The following PTCH1 variants were observed in gnomAD, a reference collection of about 807,000 sequenced individuals.
The protein encoded by PTCH1 is protein patched homolog 1.
A neutral mutation model predicts 144.6 loss-of-function variants in PTCH1; 14 were observed. The ratio of observed to expected loss-of-function variants is 0.10; its 90% CI spans 0.06 to 0.15. The LOEUF is 0.15. Among genes scored for constraint, PTCH1 ranks in the 10% least tolerant of loss-of-function variants. The probability of loss-of-function intolerance (pLI) is 1.00; values close to 1 mark genes in which losing one functional copy is unlikely to be tolerated. For synonymous variants in PTCH1, 833 were observed against 793.6 expected (o/e 1.05, Z -0.83); for missense variants, 1,623 against 1,948.3 (o/e 0.83, Z 3.14).
At chr9:95,451,637 A>G (rs1209442544) in intron 20 of PTCH1, 1 of 152,214 alleles carries the variant, frequency 6.6e-6, no homozygotes, top group African/African-American at 2.4e-5. Context: ...TCTCTCCCCT[A>G]AAAGACCTTA....
At chr9:95,515,351 TCCCCAGGGAGGAAGAAAGG>T (rs968601288) in intron 1 of PTCH1, among the ~76,000 whole-genome samples, 3 of 152,096 alleles carry the variant, frequency 2.0e-5, no homozygotes, top group African/African-American at 7.2e-5. Context: ...GTATTTCTCC[TCCCCAGGGAGGAAGAAAGG>T]ATAAAAAGGG....
At chr9:95,450,191 T>C (rs1838343966) in intron 20 of PTCH1, 2 of 524,598 alleles carry the variant, frequency 3.8e-6, no homozygotes, top group South Asian at 2.1e-5. Flanking sequence ...AAAAAAAAAT[T>C]AGTTTGTTAA....
At position 95,449,018 on chromosome 9, in the gene PTCH1, C is replaced by T; in HGVS notation, c.3804+51G>A. 1 of 1,610,344 alleles carries T rather than the reference C, an allele frequency of 6.2e-7. No homozygotes were observed. Among genetic ancestry groups the T allele is most frequent in the Non-Finnish European group, 8.5e-7 (1 of 1,177,162 alleles). ...AGGAGCCCCCGCTGGACCTCCAGGC[C>T]CACTACCACGGTGGGAAGACCCCTC... On this transcript the variant is annotated intron_variant, in intron 22 of 23. Transcript: ENST00000331920. The surrounding 1 kb of genome is among the most constrained non-coding windows in gnomAD (Gnocchi z 5.3).
chr9:95,449,523 T>C lies in PTCH1; in HGVS notation c.3550-200A>G. The C allele has an allele frequency of 1.4e-6, 1 of 721,978 alleles. No homozygotes were observed. The highest frequency in any genetic ancestry group is 2.5e-5 in the Admixed American group (1 of 40,142). 44.7% of individuals were successfully genotyped at this position (721,978 alleles called of 1,614,324 possible). A position where few individuals can be genotyped will look rare whatever the true frequency, so the allele number is the denominator to read the frequency against. On this transcript the variant is annotated intron_variant, in intron 21 of 23. Transcript: ENST00000331920. This position sits in a 1 kb window ranked among gnomAD's most constrained non-coding sequence, Gnocchi z 5.3. ...CTGGAGCAGAAGAACTGTCCTCTGCTCCACACTGGAAAGGCAGGATGTGTA... is the reference window on the plus strand; with the variant it reads ...CTGGAGCAGAAGAACTGTCCTCTGCCCCACACTGGAAAGGCAGGATGTGTA...
At chr9:95,462,050 C>A (rs2136691075) in intron 15 of PTCH1, 52 bp from the exon 16 acceptor site, 1 of 1,611,062 alleles carries the variant, frequency 6.2e-7, no homozygotes, top group Non-Finnish European at 8.5e-7. Context: ...CAGAAGGACC[C>A]TGGTCCTAGC....
At chr9:95,463,198 A>T (rs1435797447) in intron 15 of PTCH1, among the ~76,000 whole-genome samples, 16 of 152,178 alleles carry the variant, frequency 1.1e-4, no homozygotes, top group Non-Finnish European at 1.5e-5. Flanking sequence ...GTTAGTGCTC[A>T]GAATGGTTAA....
At chr9:95,506,693 C>G (rs1587694406) in intron 1 of PTCH1, 94 bp from the exon 2 acceptor site, 1 of 1,252,812 alleles carries the variant, frequency 8.0e-7, no homozygotes, top group South Asian at 2.1e-5. Context: ...GAGCCCCCAA[C>G]AGCCGTGGGG....
Position 95,449,925 on chromosome 9 carries a change from C to A in PTCH1, c.3465G>T (p.Val1155=). The change falls in exon 21 of 24, where the codon GTG becomes GTT. Residue 1155 remains valine (V), a synonymous_variant. Transcript: ENST00000331920. The surrounding 1 kb of genome is among the most constrained non-coding windows in gnomAD (Gnocchi z 5.3). ...FDFIVRYFFA[V]LAILTILGVL... ...CGCCGAGGATGGTGAGGATCGCCAG[C>A]ACAGCAAAGAAATACCTGGGAGATC... is the stretch of plus-strand genomic sequence containing the variant. The A allele has an allele frequency of 6.2e-7, 1 of 1,614,122 alleles. No individual in the cohort carries two copies. The highest frequency in any genetic ancestry group is 8.5e-7 in the Non-Finnish European group (1 of 1,180,010).
At chr9:95,473,672 G>A (rs1661037904) in intron 12 of PTCH1, among the ~76,000 whole-genome samples, 1 of 151,722 alleles carries the variant, frequency 6.6e-6, no homozygotes, top group African/African-American at 2.4e-5. Flanking sequence ...AGCCTCCCGA[G>A]TAGCTGGGAT....
rs1839149388 is a variant in PTCH1, at chr9:95,458,329, G to A, written c.2888-36C>T. ...AAGGGCACAGGTTAGGAGCAGCCCA[G>A]GGTAGAAGAGCATCACAGTTTCAAT... is the stretch of plus-strand genomic sequence containing the variant. On this transcript the variant is annotated intron_variant, in intron 17 of 23. Transcript: ENST00000331920. The surrounding 1 kb of genome is among the most constrained non-coding windows in gnomAD (Gnocchi z 4.7). 1 of 1,606,520 alleles carries A rather than the reference G, an allele frequency of 6.2e-7. No individual in the cohort carries two copies. Among genetic ancestry groups the A allele is most frequent in the Non-Finnish European group, 8.5e-7 (1 of 1,176,520 alleles).
rs45504199 is a variant in PTCH1, at chr9:95,447,281, A to G, written c.3975T>C (p.Ile1325=). Residue 1325 remains isoleucine (I), a synonymous_variant, in exon 23 of 24, where the codon ATT becomes ATC. Transcript: ENST00000331920. ...PYRPRRDAFE[I]STEGHSGPSN... is the part of the protein sequence containing the mutation. ...TAGGGCCAGAATGCCCTTCAGTAGA[A>G]ATTTCAAAAGCGTCTCTGCGCGGTC... The G allele has an allele frequency of 6.2e-7, 1 of 1,612,778 alleles. No homozygotes were observed. The highest frequency in any genetic ancestry group is 1.3e-5 in the African/African-American group (1 of 74,888).
intron 2 of PTCH1, among the ~76,000 whole-genome samples, chr9:95,487,881 C>A (rs1033868638): frequency 1.3e-5 from 2 of 152,214 alleles, no homozygotes; most frequent in African/African-American, 2.4e-5. Context: ...GCACACCCCC[C>A]ACCCTTATTA....
rs1841039345 is a variant in PTCH1 at position 95,476,408 on chromosome 9, T to A, written c.1603-249A>T. 6.6e-6 allele frequency among the ~76,000 whole-genome samples: 1 copy of A among 152,150 alleles called. No individual in the cohort carries two copies. The highest frequency in any genetic ancestry group is 2.1e-4 in the South Asian group (1 of 4,834). The stretch of plus-strand genomic sequence containing the variant: ...AGCTGCAAGATAATGACTTAACGCT[T>A]AAGTATAATTTTAAAAGGGAGTGGA... On this transcript the variant is annotated intron_variant, in intron 11 of 23. Coordinates refer to ENST00000331920, the MANE Select transcript of PTCH1 (RefSeq NM_000264.5). The surrounding 1 kb of genome is among the most constrained non-coding windows in gnomAD (Gnocchi z 4.6).
intron 2 of PTCH1, 107 bp downstream of exon 2, chr9:95,506,300 G>A (rs907145715): frequency 9.2e-6 from 12 of 1,303,386 alleles, no homozygotes; most frequent in African/African-American, 4.5e-5. Context: ...GCGGGCAGGG[G>A]GTTTCGCCGG....
upstream of PTCH1, among the ~76,000 whole-genome samples, chr9:95,513,569 G>A (rs975756248): frequency 3.9e-5 from 6 of 152,128 alleles, no homozygotes; most frequent in African/African-American, 1.2e-4. Flanking sequence ...TTGAATATGA[G>A]TTGAGTCGAC....
At chr9:95,455,905 G>C (rs1838876697) in intron 19 of PTCH1, among the ~76,000 whole-genome samples, 1 of 152,154 alleles carries the variant, frequency 6.6e-6, no homozygotes, top group Admixed American at 6.5e-5. Flanking sequence ...AAAACTCTGT[G>C]TATGCCCACC....
chr9:95,498,415 A>T (rs369704196), intron 2 of PTCH1, among the ~76,000 whole-genome samples: 2 of 152,292 alleles, frequency 1.3e-5, no homozygotes, highest in East Asian at 3.9e-4. Flanking sequence ...CAGGTATCTG[A>T]CTGCCCACCA....
intron 12 of PTCH1, among the ~76,000 whole-genome samples, chr9:95,474,877 T>A (rs554217196): frequency 3.9e-5 from 6 of 152,240 alleles, no homozygotes; most frequent in South Asian, 2.1e-4. Flanking sequence ...GCTGTGTGAG[T>A]GTGCCGGGCA....
Position 95,449,044 on chromosome 9 carries a change from C to T in PTCH1, c.3804+25G>A, listed in dbSNP as rs2136596096. 3 of 1,613,056 alleles carry T rather than the reference C, an allele frequency of 1.9e-6. No individual in the cohort carries two copies. Among genetic ancestry groups the T allele is most frequent in the Non-Finnish European group, 1.7e-6 (2 of 1,179,100 alleles). On this transcript the variant is annotated intron_variant, in intron 22 of 23. Transcript: ENST00000331920. The surrounding 1 kb of genome is among the most constrained non-coding windows in gnomAD (Gnocchi z 5.3). ...CACTACCACGGTGGGAAGACCCCTC[C>T]CCCTGGTTCTGCAGAGTCACTTACA...
Sources: allele counts gnomAD v4.1 joint callset (sites outside exome capture counted in the v4.1 genomes callset), GRCh38; gene constraint gnomAD v4.1.1; non-coding constraint Gnocchi (gnomAD v3.1); transcripts MANE v1.5; gene names NCBI Gene and HGNC (gene_info 2026-07-23, HGNC 2026-07-21).